The following PCDHGA3 variants were observed in gnomAD, a reference collection of about 807,000 sequenced individuals.
The protein encoded by PCDHGA3 is protocadherin gamma-A3.
PCDHGA3 carries 40 observed loss-of-function variants against 58.5 expected under a neutral mutation model. The ratio of observed to expected loss-of-function variants is 0.68; its 90% CI spans 0.53 to 0.89. The LOEUF is 0.89. PCDHGA3 is among the 40% of genes least tolerant of loss of function. The probability of loss-of-function intolerance (pLI) is 0.00; values close to 1 mark genes in which losing one functional copy is unlikely to be tolerated. For missense variants in PCDHGA3, 1,223 were observed against 1,195.9 expected, an observed-to-expected ratio of 1.02 and a Z score of -0.33; for synonymous variants, 530 against 525.7, an observed-to-expected ratio of 1.01 and a Z score of -0.11.
chr5:141,475,167 G>T (rs529813171), intron 1 of PCDHGA3, among the ~76,000 whole-genome samples: 1 of 152,160 alleles, frequency 6.6e-6, no homozygotes, highest in Admixed American at 6.5e-5. Flanking sequence ...CATTAGCAGT[G>T]CAACTTCTTG....
At chr5:141,478,236 T>C (rs2099440813) in intron 1 of PCDHGA3, 3 of 1,614,156 alleles carry the variant, frequency 1.9e-6, no homozygotes, top group Non-Finnish European at 2.5e-6. Flanking sequence ...GGGTTTGTGG[T>C]CACAGTGTTC....
chr5:141,375,075 C>A lies in PCDHGA3; in HGVS notation c.2424+28618C>A. The stretch of plus-strand genomic sequence containing the variant: ...GATGGGCCAGGTCTTCGAGACAGAG[C>A]GAAAGTCTTAATAACTATCTTGGAT... On this transcript the variant is annotated intron_variant, in intron 1 of 3. Transcript: ENST00000253812. 4 of 1,613,926 alleles carry A rather than the reference C, an allele frequency of 2.5e-6. No individual in the cohort carries two copies. The highest frequency in any genetic ancestry group is 1.6e-4 in the Middle Eastern group (1 of 6,062).
intron 1 of PCDHGA3, among the ~76,000 whole-genome samples, chr5:141,484,454 G>A (rs932663778): frequency 6.6e-6 from 1 of 152,212 alleles, no homozygotes; most frequent in African/African-American, 2.4e-5. Context: ...AATTGGCTAC[G>A]TTAATGTGTA....
intron 1 of PCDHGA3, chr5:141,366,565 G>C: frequency 6.2e-7 from 1 of 1,614,252 alleles, no homozygotes; most frequent in Non-Finnish European, 8.5e-7. Flanking sequence ...GCGTGGATGG[G>C]GTTCGGGCTT....
intron 1 of PCDHGA3, chr5:141,378,193 TA>T (rs376966694): frequency 7.2e-5 from 11 of 152,366 alleles, no homozygotes; most frequent in Middle Eastern, 3.4e-3. Context: ...GTGTGCCTAC[TA>T]CAGTGTCTTT....
intron 1 of PCDHGA3, among the ~76,000 whole-genome samples, chr5:141,354,170 CTA>C (rs1759484226): frequency 6.6e-6 from 1 of 152,180 alleles, no homozygotes; most frequent in African/African-American, 2.4e-5. Context: ...AATCACTAAA[CTA>C]TTATCTGCAC....
At chr5:141,429,571 A>G (rs1221285032) in intron 1 of PCDHGA3, among the ~76,000 whole-genome samples, 2 of 152,156 alleles carry the variant, frequency 1.3e-5, no homozygotes, top group Non-Finnish European at 2.9e-5. Flanking sequence ...ATTCAGTTAC[A>G]TTTACTTTTG....
At chr5:141,439,202 A>AG (rs1348445707) in intron 1 of PCDHGA3, among the ~76,000 whole-genome samples, 2 of 151,954 alleles carry the variant, frequency 1.3e-5, no homozygotes, top group African/African-American at 4.8e-5. Context: ...AAAAAAAAAA[A>AG]AAATCCATAT....
At chr5:141,399,656 T>G in intron 1 of PCDHGA3, 1 of 1,613,694 alleles carries the variant, frequency 6.2e-7, no homozygotes, top group Non-Finnish European at 8.5e-7. Context: ...AGTGGGGTGG[T>G]GTTCGCGCAG....
In PCDHGA3 at chr5:141,398,847, G is replaced by A. The variant is rs773663002; in HGVS notation, c.2424+52390G>A. On this transcript the variant is annotated intron_variant, in intron 1 of 3. Coordinates refer to ENST00000253812, the MANE Select transcript of PCDHGA3 (RefSeq NM_018916.4). Reference sequence around the variant, plus strand: ...TAACCGACGCCAATGATAATCCCCCGGTATTCAACCGAGACGTGTACAGAG... The same window carrying A: ...TAACCGACGCCAATGATAATCCCCCAGTATTCAACCGAGACGTGTACAGAG... The A allele has an allele frequency of 2.5e-6, 4 of 1,613,758 alleles. No homozygotes were observed. In the African/African-American group the frequency reaches 5.3e-5, roughly 22 times the overall value.
intron 1 of PCDHGA3, chr5:141,408,971 C>A: frequency 6.2e-7 from 1 of 1,613,816 alleles, no homozygotes; most frequent in Non-Finnish European, 8.5e-7. Context: ...AAATCTGCCC[C>A]CTGGGTCCCC....
chr5:141,354,965 A>T, intron 1 of PCDHGA3: 2 of 506,414 alleles, frequency 3.9e-6, no homozygotes, highest in Non-Finnish European at 6.6e-6. Context: ...ACAGGTTAAG[A>T]CTCTGGGTGT....
intron 1 of PCDHGA3, among the ~76,000 whole-genome samples, chr5:141,450,830 T>TTTA (rs1554136905): frequency 6.9e-5 from 7 of 101,548 alleles, no homozygotes; most frequent in East Asian, 2.6e-4. Flanking sequence ...ATTATTATTA[T>TTTA]TTTTTTTTTT....
intron 1 of PCDHGA3, among the ~76,000 whole-genome samples, chr5:141,348,599 T>G (rs1054314793): frequency 6.6e-6 from 1 of 152,172 alleles, no homozygotes; most frequent in Non-Finnish European, 1.5e-5. Context: ...ACTGAGAGTA[T>G]GGAACCCATA....
At position 141,487,534 on chromosome 5, in the gene PCDHGA3, G is replaced by T; in HGVS notation, c.2425-7273G>T. The T allele has an allele frequency of 6.2e-7, 1 of 1,614,174 alleles. No homozygotes were observed. The highest frequency in any genetic ancestry group is 8.5e-7 in the Non-Finnish European group (1 of 1,180,034). ...CCACTCGGAGTGATAGCTTCATGAT[G>T]GTGAAGTCACCCAGTGCACCTATGG... On this transcript the variant is annotated intron_variant, in intron 1 of 3. Coordinates refer to ENST00000253812, the MANE Select transcript of PCDHGA3 (RefSeq NM_018916.4). This position sits in a 1 kb window ranked among gnomAD's most constrained non-coding sequence, Gnocchi z 5.0.
chr5:141,398,597 C>A (rs986852077), intron 1 of PCDHGA3: 4 of 1,614,006 alleles, frequency 2.5e-6, no homozygotes, highest in Non-Finnish European at 3.4e-6. Flanking sequence ...CTAGAAGTAG[C>A]AGAAGATGCA....
chr5:141,477,010 C>G lies in PCDHGA3; in HGVS notation c.2425-17797C>G. On this transcript the variant is annotated intron_variant, in intron 1 of 3. Coordinates refer to ENST00000253812, the MANE Select transcript of PCDHGA3 (RefSeq NM_018916.4). This position sits in a 1 kb window ranked among gnomAD's most constrained non-coding sequence, Gnocchi z 4.9. ...GCGTGCGGCAACTATTCGCCTTAGA[C>G]CTTGTAACCGGGATGCTGACAATCA... 4 of 1,614,260 alleles carry G rather than the reference C, an allele frequency of 2.5e-6. No homozygotes were observed. Among genetic ancestry groups the G allele is most frequent in the Non-Finnish European group, 2.5e-6 (3 of 1,180,052 alleles).
At chr5:141,400,773 T>A in intron 1 of PCDHGA3, 1 of 572,450 alleles carries the variant, frequency 1.7e-6, no homozygotes, top group East Asian at 2.9e-5. Flanking sequence ...AAACATTTGG[T>A]GCGTTTTTTT....
At chr5:141,403,094 A>G in intron 1 of PCDHGA3, 1 of 1,614,064 alleles carries the variant, frequency 6.2e-7, no homozygotes, top group Non-Finnish European at 8.5e-7. Flanking sequence ...TGTGGGCAAC[A>G]TCTCCAAGGA....
Sources: allele counts gnomAD v4.1 joint callset (sites outside exome capture counted in the v4.1 genomes callset), GRCh38; gene constraint gnomAD v4.1.1; non-coding constraint Gnocchi (gnomAD v3.1); transcripts MANE v1.5; gene names NCBI Gene and HGNC (gene_info 2026-07-23, HGNC 2026-07-21).